Variants in OTOGL observed in about 807,000 individuals in gnomAD.
OTOGL encodes otogelin-like protein.
OTOGL carries 285 observed loss-of-function variants against 318.5 expected under a neutral mutation model. The observed-to-expected ratio is 0.89, with a 90% CI of 0.81 to 0.99. The LOEUF is 0.99. Ranked by LOEUF, OTOGL falls within the 50% of genes least tolerant of loss-of-function variation. The probability of loss-of-function intolerance (pLI) is 0.00; values close to 1 mark genes in which losing one functional copy is unlikely to be tolerated. For synonymous variants in OTOGL, 987 were observed against 936.5 expected, an observed-to-expected ratio of 1.05 and a Z score of -0.99; for missense variants, 2,899 against 2,845.6, an observed-to-expected ratio of 1.02 and a Z score of -0.43.
intron 1 of OTOGL, among the ~76,000 whole-genome samples, chr12:80,180,098 C>T (rs56111944): frequency 4.6e-5 from 7 of 152,020 alleles, no homozygotes; most frequent in Non-Finnish European, 1.0e-4. Flanking sequence ...CCACGATGAA[C>T]CTGCAGATTG....
chr12:80,128,900 TA>T (rs1871050017), intron 1 of OTOGL, among the ~76,000 whole-genome samples: 1 of 152,174 alleles, frequency 6.6e-6, no homozygotes, highest in African/African-American at 2.4e-5. Context: ...AGCACAGTAT[TA>T]GGGTGGGAGT....
chr12:80,163,857 A>G (rs970660855), intron 1 of OTOGL, among the ~76,000 whole-genome samples: 1 of 152,150 alleles, frequency 6.6e-6, no homozygotes, highest in Non-Finnish European at 1.5e-5. Context: ...TTCCATTGGT[A>G]AAGTCAAAGG....
At chr12:80,228,470 C>CA (rs891603137) in intron 7 of OTOGL, among the ~76,000 whole-genome samples, 9 of 151,196 alleles carry the variant, frequency 6.0e-5, no homozygotes, top group East Asian at 1.9e-4. Flanking sequence ...CAAAAACAAA[C>CA]AAAAAAAACC....
intron 26 of OTOGL, among the ~76,000 whole-genome samples, chr12:80,290,250 A>T (rs1884950646): frequency 6.6e-6 from 1 of 150,494 alleles, no homozygotes; most frequent in African/African-American, 2.4e-5. Context: ...AGAGAGATGA[A>T]CTGGGTAACT....
chr12:80,178,365 A>G (rs1245889294), intron 1 of OTOGL, among the ~76,000 whole-genome samples: 1 of 151,794 alleles, frequency 6.6e-6, no homozygotes, highest in African/African-American at 2.4e-5. Context: ...CCAGCCTTTT[A>G]TATGGTATTT....
In OTOGL at chr12:80,352,369, T is replaced by C. The variant is rs757009008; in HGVS notation, c.5340T>C (p.Leu1780=). 2.5e-6 allele frequency: 4 copies of C among 1,612,520 alleles called. No homozygotes were observed. In the Admixed American group the frequency reaches 5.0e-5, roughly 20 times the overall value. ...TTTGGAACTATGAATGTGATGCACT[T>C]TCTGCATATGTGGCTCTGTGCAACA... ...TYFWNYECDA[L]SAYVALCNKF... Residue 1780 remains leucine (L), a synonymous_variant, in exon 45 of 59, where the codon CTT becomes CTC. Coordinates refer to ENST00000547103, the MANE Select transcript of OTOGL (RefSeq NM_001378609.3).
chr12:80,289,205 C>T (rs1342335517), intron 26 of OTOGL, among the ~76,000 whole-genome samples: 1 of 152,180 alleles, frequency 6.6e-6, no homozygotes, highest in Non-Finnish European at 1.5e-5. Context: ...ACCCTGCTTG[C>T]CTGGGTGTTA....
At chr12:80,229,187 A>G in intron 7 of OTOGL, 70 bp from the exon 8 acceptor site, 1 of 1,493,992 alleles carries the variant, frequency 6.7e-7, no homozygotes, top group Non-Finnish European at 9.2e-7. Context: ...TTGTAAACAT[A>G]CATTGTGGTT....
intron 1 of OTOGL, among the ~76,000 whole-genome samples, chr12:80,116,608 GA>G (rs1870181643): frequency 6.6e-6 from 1 of 152,032 alleles, no homozygotes; most frequent in African/African-American, 2.4e-5. Context: ...AGGTCCCCCA[GA>G]AAACAAAAAG....
intron 1 of OTOGL, among the ~76,000 whole-genome samples, chr12:80,114,045 G>T (rs1041767364): frequency 1.3e-5 from 2 of 152,008 alleles, no homozygotes; most frequent in Non-Finnish European, 2.9e-5. Context: ...ACAGCACACC[G>T]ATGGGTCTTG....
Position 80,336,792 on chromosome 12 carries a change from T to G in OTOGL, c.4744-5T>G, listed in dbSNP as rs961040550. 4 of 1,497,462 alleles carry G rather than the reference T, an allele frequency of 2.7e-6. No homozygotes were observed. Among genetic ancestry groups the G allele is most frequent in the Non-Finnish European group, 3.6e-6 (4 of 1,110,492 alleles). The allele number at this position is 1,497,462 out of a possible 1,614,324, so 92.8% of individuals were successfully genotyped here. On this transcript the variant is annotated splice_region_variant and splice_polypyrimidine_tract_variant and intron_variant, in intron 40 of 58. Coordinates refer to ENST00000547103, the MANE Select transcript of OTOGL (RefSeq NM_001378609.3). Reference sequence around the variant, plus strand: ...ATTTAAAAGTATTTCTTTTTTTTTTTCCAGAATGGAAACTCCTTAAAAAAG... The same window carrying G: ...ATTTAAAAGTATTTCTTTTTTTTTTGCCAGAATGGAAACTCCTTAAAAAAG...
intron 17 of OTOGL, among the ~76,000 whole-genome samples, chr12:80,257,326 A>C (rs970447106): frequency 6.7e-6 from 1 of 150,124 alleles, no homozygotes; most frequent in African/African-American, 2.5e-5. Context: ...TTTTTGGTAC[A>C]TGACTATGAC....
At chr12:80,271,965 C>T (rs1200204156) in intron 24 of OTOGL, among the ~76,000 whole-genome samples, 155 bp downstream of exon 24, 1 of 152,082 alleles carries the variant, frequency 6.6e-6, no homozygotes, top group Non-Finnish European at 1.5e-5. Flanking sequence ...TTTTGCTTGG[C>T]TCATGTGACA....
chr12:80,102,294 G>A (rs1036494084), intron 1 of OTOGL, among the ~76,000 whole-genome samples: 3 of 152,098 alleles, frequency 2.0e-5, no homozygotes, highest in Non-Finnish European at 1.5e-5. Flanking sequence ...ATTGCACCTA[G>A]AACAGTGCCA....
At chr12:80,217,974 C>T (rs1025308836) in intron 5 of OTOGL, among the ~76,000 whole-genome samples, 1 of 152,124 alleles carries the variant, frequency 6.6e-6, no homozygotes, top group African/African-American at 2.4e-5. Context: ...ACCAATTCCC[C>T]ATTTCCATTA....
rs1402407369 is a variant in OTOGL at position 80,153,159 on chromosome 12, G to A, written c.-20+53554G>A. Among the ~76,000 whole-genome samples, 4 of 152,144 alleles carry A rather than the reference G, an allele frequency of 2.6e-5. No individual in the cohort carries two copies. The East Asian group carries it at 7.7e-4, about 29-fold the overall frequency. On this transcript the variant is annotated intron_variant, in intron 1 of 58. Transcript: ENST00000547103. ...CTATAGTACGGCCTTATCAACAATG[G>A]AAATTTATTTCTTATTCTGGAAGTT...
chr12:80,242,586 A>C (rs1880475168), intron 11 of OTOGL, among the ~76,000 whole-genome samples: 1 of 152,168 alleles, frequency 6.6e-6, no homozygotes, highest in Admixed American at 6.6e-5. Context: ...TACTATGAGA[A>C]TGAAAATGTG....
At chr12:80,268,519 G>A (rs7966767) in intron 22 of OTOGL, among the ~76,000 whole-genome samples, 129,319 of 152,010 alleles carry the variant, frequency 0.85, 55,174 homozygotes, top group East Asian at 0.9. Context: ...ATTTACCTTT[G>A]TCTTTATCTC....
chr12:80,261,837 C>A, intron 18 of OTOGL, 132 bp from the exon 19 acceptor site: 1 of 1,111,952 alleles, frequency 9.0e-7, no homozygotes, highest in Non-Finnish European at 1.2e-6. Flanking sequence ...TTTTTTTAAA[C>A]TGGTAGAAAA....
Sources: allele counts gnomAD v4.1 joint callset (sites outside exome capture counted in the v4.1 genomes callset), GRCh38; gene constraint gnomAD v4.1.1; transcripts MANE v1.5; gene names NCBI Gene and HGNC (gene_info 2026-07-23, HGNC 2026-07-21).